The following TTLL6 variants were observed in gnomAD, a reference collection of about 807,000 sequenced individuals.
TTLL6 encodes tubulin tyrosine ligase like 6.
A neutral mutation model predicts 96.4 loss-of-function variants in TTLL6; 75 were observed. The observed-to-expected ratio is 0.78, with a 90% confidence interval of 0.65 to 0.94. The LOEUF is 0.94. Among genes scored for constraint, TTLL6 ranks in the 40% least tolerant of loss-of-function variants. The pLI is 0.00. For synonymous variants in TTLL6, 411 were observed against 419.4 expected (o/e 0.98, Z 0.24); for missense variants, 1,030 against 1,093.0 (o/e 0.94, Z 0.81).
intron 1 of TTLL6, among the ~76,000 whole-genome samples, chr17:48,811,068 C>CTTTTTTTTTTTTTTTTTT (rs35618180): frequency 2.7e-5 from 3 of 110,548 alleles, no homozygotes; most frequent in Non-Finnish European, 3.6e-5. Flanking sequence ...TATTATTTTT[C>CTTTTTTTTTTTTTTTTTT]TTTTTTTTTT....
Position 48,791,441 on chromosome 17 carries a change from G to A in TTLL6, c.1161C>T (p.Ala387=), listed in dbSNP as rs2039221094. ...TGTCAAAGCCCAGGATCTCAAAGCAGGCGCTGTTGAGTGTGTGGTTGGGGA... is the reference window on the plus strand; with the variant it reads ...TGTCAAAGCCCAGGATCTCAAAGCAAGCGCTGTTGAGTGTGTGGTTGGGGA... ...TCFPNHTLNS[A]CFEILGFDIL... is the part of the protein sequence containing the mutation. The change falls in exon 9 of 16, where the codon GCC becomes GCT. Residue 387 remains alanine (A), a synonymous_variant. Transcript: ENST00000393382. The A allele has an allele frequency of 6.2e-7, 1 of 1,614,228 alleles. No homozygotes were observed. Among genetic ancestry groups the A allele is most frequent in the African/African-American group, 1.3e-5 (1 of 75,056 alleles).
chr17:48,794,137 A>G (rs1005632627), intron 8 of TTLL6: 5 of 1,606,806 alleles, frequency 3.1e-6, no homozygotes, highest in Non-Finnish European at 3.4e-6. Context: ...TGAGAGGGAG[A>G]TGAACAGAGG....
intron 5 of TTLL6, 89 bp downstream of exon 5, chr17:48,801,166 G>T: frequency 8.0e-7 from 1 of 1,244,818 alleles, no homozygotes; most frequent in Non-Finnish European, 1.1e-6. Flanking sequence ...CATATGGGCA[G>T]GGAAAGTGGC....
intron 1 of TTLL6, among the ~76,000 whole-genome samples, chr17:48,813,494 G>A (rs569818615): frequency 6.6e-6 from 1 of 152,312 alleles, no homozygotes; most frequent in Admixed American, 6.5e-5. Flanking sequence ...GGGAGGCTGA[G>A]GTTGCAGCGA....
intron 2 of TTLL6, chr17:48,804,160 T>C: frequency 3.3e-6 from 2 of 600,490 alleles, no homozygotes; most frequent in Non-Finnish European, 6.0e-6. Context: ...AAATTCTGTA[T>C]TGCAATTACA....
chr17:48,769,617 AGGGGCTGTCCCCCCTCCAAAGACT>A, intron 14 of TTLL6, 87 bp downstream of exon 14: 1 of 1,363,012 alleles, frequency 7.3e-7, no homozygotes. Flanking sequence ...CCCTGAAGAC[AGGGGCTGTCCCCCCTCCAAAGACT>A]GGGAGCTCCC....
intron 6 of TTLL6, among the ~76,000 whole-genome samples, chr17:48,797,858 C>G (rs2039346901): frequency 6.9e-6 from 1 of 145,604 alleles, no homozygotes; most frequent in Admixed American, 6.9e-5. Flanking sequence ...AATCCCAATA[C>G]TTTGGGAGGC....
rs115244838 is a variant in TTLL6 at position 48,763,148 on chromosome 17, C to A, written c.*1-175G>T. On this transcript the variant is annotated intron_variant, in intron 15 of 15. Transcript: ENST00000393382. ...TACACAACATTCATCTTCCTGTAGC[C>A]TTCTTGCCTGAAATATTGGATATGG... Among the ~76,000 whole-genome samples the A allele has an allele frequency of 5.1e-3, 736 of 145,474 alleles. 5 individuals are homozygous for A. The highest frequency in any genetic ancestry group is 0.018 in the African/African-American group (709 of 40,002).
At chr17:48,793,833 G>A (rs1376801054) in intron 8 of TTLL6, among the ~76,000 whole-genome samples, 1 of 152,148 alleles carries the variant, frequency 6.6e-6, no homozygotes, top group Non-Finnish European at 1.5e-5. Flanking sequence ...GATTAAGTGG[G>A]TTCAAGTATG....
At chr17:48,803,718 G>A (rs747441699) in intron 3 of TTLL6, among the ~76,000 whole-genome samples, 173 bp downstream of exon 3, 28 of 152,288 alleles carry the variant, frequency 1.8e-4, no homozygotes, top group Non-Finnish European at 4.1e-4. Context: ...ATGACTCTTG[G>A]AATAGGATTC....
intron 8 of TTLL6, among the ~76,000 whole-genome samples, chr17:48,794,529 C>T (rs2039285285): frequency 6.6e-6 from 1 of 152,100 alleles, no homozygotes; most frequent in South Asian, 2.1e-4. Context: ...CAAACTAGAC[C>T]TCCCAGAGTG....
intron 1 of TTLL6, among the ~76,000 whole-genome samples, chr17:48,809,242 C>A (rs1191939988): frequency 6.6e-6 from 1 of 152,142 alleles, no homozygotes. Context: ...ACAGATAAAA[C>A]CTGGGTCTTC....
chr17:48,815,764 T>C (rs2143514485), intron 1 of TTLL6: 1 of 152,366 alleles, frequency 6.6e-6, no homozygotes. Flanking sequence ...ATAAGAAGTG[T>C]TGAGAATGAC....
chr17:48,767,523 A>G (rs778209799), intron 15 of TTLL6, among the ~76,000 whole-genome samples: 1 of 152,168 alleles, frequency 6.6e-6, no homozygotes, highest in African/African-American at 2.4e-5. Context: ...GGTGATCTCT[A>G]TGGGCTGGAT....
chr17:48,768,165 G>A (rs1031355386), intron 15 of TTLL6, among the ~76,000 whole-genome samples: 3 of 151,058 alleles, frequency 2.0e-5, no homozygotes, highest in South Asian at 2.1e-4. Flanking sequence ...GTGCAATCCC[G>A]ACTCACTGCA....
rs1295911267 is a variant in TTLL6, at chr17:48,769,877, T to G, written c.2261A>C (p.Glu754Ala). 1 of 1,614,236 alleles carries G rather than the reference T, an allele frequency of 6.2e-7. No individual in the cohort carries two copies. Among genetic ancestry groups the G allele is most frequent in the South Asian group, 1.1e-5 (1 of 91,092 alleles). Residue 754 changes from glutamate (E) to alanine (A), a missense_variant, in exon 14 of 16, where the codon GAG (glutamate) becomes GCG (alanine). By Grantham distance (107) the Glu-to-Ala change is moderately radical (BLOSUM62 -1). Coordinates refer to ENST00000393382, the MANE Select transcript of TTLL6 (RefSeq NM_001130918.3). ...FLPTKSKSFWESPNTNWTLLK... is the reference protein window; with the variant it reads ...FLPTKSKSFWASPNTNWTLLK... Reference sequence around the variant, plus strand: ...CAAAGTCCAGTTTGTGTTCGGACTCTCCCAGAAGCTCTTGGATTTTGTGGG... The same window carrying G: ...CAAAGTCCAGTTTGTGTTCGGACTCGCCCAGAAGCTCTTGGATTTTGTGGG...
intron 7 of TTLL6, 37 bp from the exon 8 acceptor site, chr17:48,796,183 G>T: frequency 6.7e-7 from 1 of 1,502,836 alleles, no homozygotes; most frequent in Non-Finnish European, 9.1e-7. Context: ...GGTCAGCTCG[G>T]AAGGGCAGGC....
intron 13 of TTLL6, among the ~76,000 whole-genome samples, chr17:48,781,159 G>A (rs1567720515): frequency 6.6e-6 from 1 of 151,890 alleles, no homozygotes; most frequent in Non-Finnish European, 1.5e-5. Flanking sequence ...CAATTCTCCT[G>A]CCTCAGCCTC....
intron 13 of TTLL6, among the ~76,000 whole-genome samples, chr17:48,784,306 G>A (rs868734049): frequency 6.6e-5 from 10 of 152,094 alleles, no homozygotes; most frequent in Admixed American, 2.6e-4. Context: ...TTGGGAGGCC[G>A]AGGCGAGAGG....
Sources: allele counts gnomAD v4.1 joint callset (sites outside exome capture counted in the v4.1 genomes callset), GRCh38; gene constraint gnomAD v4.1.1; transcripts MANE v1.5; gene names NCBI Gene and HGNC (gene_info 2026-07-23, HGNC 2026-07-21).